Variants in SBF2 observed in about 807,000 individuals in gnomAD.
SBF2 encodes the protein SET binding factor 2.
In SBF2, 112 loss-of-function variants were observed where a neutral mutation model predicts 225.2. That is an observed-to-expected ratio of 0.50 (90% CI 0.43 to 0.58). The LOEUF is 0.58. SBF2 is among the 20% of genes least tolerant of loss of function. The pLI, the probability that SBF2 is intolerant of heterozygous loss-of-function variation, is 0.00. For missense variants in SBF2, 1,996 were observed against 2,206.2 expected (o/e 0.90, Z 1.91); for synonymous variants, 763 against 773.3 (o/e 0.99, Z 0.22).
Position 10,037,873 on chromosome 11 carries a change from C to T in SBF2, c.279+4971G>A, listed in dbSNP as rs150073353. Among the ~76,000 whole-genome samples the T allele has an allele frequency of 6.0e-3, 905 of 151,944 alleles. 14 individuals are homozygous for T. The highest frequency in any genetic ancestry group is 0.02 in the African/African-American group (822 of 41,486). On this transcript the variant is annotated intron_variant, in intron 3 of 39. Coordinates refer to ENST00000256190, the MANE Select transcript of SBF2 (RefSeq NM_030962.4). Reference sequence around the variant, plus strand: ...TCCACTGTTTTATACCATCTAGAGACGAATTTATAAATTCCTTTTTATTAC... The same window carrying T: ...TCCACTGTTTTATACCATCTAGAGATGAATTTATAAATTCCTTTTTATTAC...
intron 4 of SBF2, 69 bp downstream of exon 4, chr11:10,030,979 T>A: frequency 7.4e-7 from 1 of 1,345,474 alleles, no homozygotes; most frequent in South Asian, 1.2e-5. Flanking sequence ...CCAAAGAACT[T>A]GTACCATGGT....
At chr11:10,079,670 G>C (rs934064592) in intron 2 of SBF2, among the ~76,000 whole-genome samples, 2 of 152,146 alleles carry the variant, frequency 1.3e-5, no homozygotes, top group Non-Finnish European at 2.9e-5. Context: ...CCTGATTTGA[G>C]GAAATAATTA....
chr11:10,120,978 C>T (rs1953415971), intron 2 of SBF2, among the ~76,000 whole-genome samples: 1 of 152,102 alleles, frequency 6.6e-6, no homozygotes, highest in South Asian at 2.1e-4. Context: ...GTTGGCAAGG[C>T]TGGTCTCGAA....
chr11:9,856,022 GTT>G (rs1857289554), intron 19 of SBF2, among the ~76,000 whole-genome samples: 1 of 152,202 alleles, frequency 6.6e-6, no homozygotes, highest in African/African-American at 2.4e-5. Flanking sequence ...TAAACACTGG[GTT>G]TTAGTTTCAG....
intron 1 of SBF2, among the ~76,000 whole-genome samples, chr11:10,266,854 C>T (rs987394029): frequency 1.3e-5 from 2 of 152,160 alleles, no homozygotes; most frequent in Admixed American, 6.5e-5. Context: ...TTTGGGAAGC[C>T]GAGGCTGGCA....
At chr11:9,831,558 A>G (rs557100376) in intron 27 of SBF2, among the ~76,000 whole-genome samples, 3 of 152,306 alleles carry the variant, frequency 2.0e-5, no homozygotes, top group South Asian at 2.1e-4. Flanking sequence ...ATCGGATCTG[A>G]TATCTTAGTG....
chr11:9,890,390 G>A (rs1488835361), intron 17 of SBF2, among the ~76,000 whole-genome samples: 1 of 152,072 alleles, frequency 6.6e-6, no homozygotes, highest in African/African-American at 2.4e-5. Flanking sequence ...TCTTTTGAAT[G>A]GCTAGATACT....
intron 2 of SBF2, among the ~76,000 whole-genome samples, chr11:10,077,473 A>G (rs995658059): frequency 6.6e-6 from 1 of 150,406 alleles, no homozygotes; most frequent in South Asian, 2.1e-4. Context: ...CAATGGAATA[A>G]CAAACACCAC....
At chr11:9,974,960 CAAAA>C (rs1166081188) in intron 13 of SBF2, among the ~76,000 whole-genome samples, 333 of 23,132 alleles carry the variant, frequency 0.014, 10 homozygotes, top group Non-Finnish European at 0.018. Context: ...AACTTTGACT[CAAAA>C]AAAAAAAAAA....
At chr11:9,878,254 C>T (rs963240339) in intron 17 of SBF2, among the ~76,000 whole-genome samples, 13 of 152,028 alleles carry the variant, frequency 8.6e-5, no homozygotes, top group Non-Finnish European at 1.6e-4. Context: ...GTTTTTTTCT[C>T]GTAAATTTCT....
chr11:9,798,218 C>G (rs991929198), intron 32 of SBF2, among the ~76,000 whole-genome samples: 17 of 152,274 alleles, frequency 1.1e-4, no homozygotes, highest in South Asian at 2.1e-4. Flanking sequence ...GGGTTTGACT[C>G]TCTAGTAGGC....
At chr11:10,051,991 A>G in intron 2 of SBF2, among the ~76,000 whole-genome samples, 1 of 152,158 alleles carries the variant, frequency 6.6e-6, no homozygotes. Context: ...TGTGGACATT[A>G]CAATTCTTGA....
At chr11:9,804,402 T>C (rs1245429452) in intron 32 of SBF2, among the ~76,000 whole-genome samples, 1 of 152,224 alleles carries the variant, frequency 6.6e-6, no homozygotes, top group Non-Finnish European at 1.5e-5. Flanking sequence ...TACTGAGATG[T>C]TGGACTTACT....
chr11:9,897,985 A>G (rs4463836), intron 16 of SBF2, among the ~76,000 whole-genome samples: 9,795 of 152,206 alleles, frequency 0.064, 508 homozygotes, highest in East Asian at 0.28. Context: ...GGTGAGAACT[A>G]ACCTGACCAG....
intron 2 of SBF2, among the ~76,000 whole-genome samples, chr11:10,154,965 C>T: frequency 6.6e-6 from 1 of 152,052 alleles, no homozygotes; most frequent in East Asian, 1.9e-4. Context: ...TGAAAGTTAC[C>T]CAGTTTCTGA....
chr11:10,133,571 G>C (rs185937948), intron 2 of SBF2, among the ~76,000 whole-genome samples: 1 of 113,286 alleles, frequency 8.8e-6, no homozygotes, highest in African/African-American at 2.8e-5. Context: ...CATTGCCCAG[G>C]GCCAGCAGGG....
rs1481866851 is a variant in SBF2 at position 9,967,957 on chromosome 11, CTCTCTCTCTCTCTCTATATA to C, written c.1600+364_1600+383del. ...TCTGTCTGTCTGTCTGTCTCTCTCT[CTCTCTCTCTCTCTCTATATA>C]TATATATATATATAAAATATATATA... is the stretch of plus-strand genomic sequence containing the variant. On this transcript the variant is annotated intron_variant, in intron 14 of 39. Coordinates refer to ENST00000256190, the MANE Select transcript of SBF2 (RefSeq NM_030962.4). Among the ~76,000 whole-genome samples the C allele has an allele frequency of 8.3e-4, 96 of 115,448 alleles. No individual in the cohort carries two copies. The East Asian group carries it at 0.024, about 29-fold the overall frequency. 75.7% of individuals were successfully genotyped at this position (115,448 alleles called of 152,430 possible).
intron 24 of SBF2, 41 bp downstream of exon 24, chr11:9,845,524 T>A: frequency 6.4e-7 from 1 of 1,573,618 alleles, no homozygotes; most frequent in Non-Finnish European, 8.7e-7. Context: ...TGCAATCAAT[T>A]ACGGGAGGGC....
At chr11:10,266,051 C>T (rs1427781319) in intron 1 of SBF2, among the ~76,000 whole-genome samples, 6 of 152,084 alleles carry the variant, frequency 3.9e-5, no homozygotes, top group South Asian at 2.1e-4. Flanking sequence ...AGTACTTTTT[C>T]GGCTAGGCAG....
Sources: allele counts gnomAD v4.1 joint callset (sites outside exome capture counted in the v4.1 genomes callset), GRCh38; gene constraint gnomAD v4.1.1; transcripts MANE v1.5; gene names NCBI Gene and HGNC (gene_info 2026-07-23, HGNC 2026-07-21).